Variants in STOX1 observed in about 807,000 individuals in gnomAD.
STOX1 encodes the protein storkhead box 1, also known as storkhead-box protein 1.
A neutral mutation model predicts 74.8 loss-of-function variants in STOX1; 57 were observed. The ratio of observed to expected loss-of-function variants is 0.76; its 90% CI spans 0.62 to 0.95. The LOEUF is 0.95. Ranked by LOEUF, STOX1 falls within the 40% of genes least tolerant of loss-of-function variation. STOX1 has a pLI of 0.00. For missense variants in STOX1, 1,010 were observed against 1,117.0 expected (o/e 0.90, Z 1.37); for synonymous variants, 375 against 401.3 (o/e 0.93, Z 0.78).
chr10:68,871,271 G>C (rs578104378), intron 1 of STOX1, among the ~76,000 whole-genome samples: 83 of 152,310 alleles, frequency 5.4e-4, no homozygotes, highest in Non-Finnish European at 1.1e-3. Flanking sequence ...AGGCTCAAAG[G>C]GCACCCCCGG....
rs796079154 is a variant in STOX1 at position 68,879,049 on chromosome 10, C to T, written c.311-2909C>T. Among the ~76,000 whole-genome samples, 4 of 152,126 alleles carry T rather than the reference C, an allele frequency of 2.6e-5. No homozygotes were observed. In the South Asian group the frequency reaches 6.2e-4, roughly 24 times the overall value. The stretch of plus-strand genomic sequence containing the variant: ...GGATCAGGGGCTCTGAATCAGAATC[C>T]ACGTTAGCAAGATCTACTGGTGATC... On this transcript the variant is annotated intron_variant, in intron 1 of 3. Coordinates refer to ENST00000298596, the MANE Select transcript of STOX1 (RefSeq NM_152709.5).
In STOX1 at chr10:68,885,045, G is replaced by A. The variant is rs755804216; in HGVS notation, c.1249G>A (p.Gly417Ser). The A allele has an allele frequency of 6.2e-7, 1 of 1,614,130 alleles. No homozygotes were observed. The highest frequency in any genetic ancestry group is 8.5e-7 in the Non-Finnish European group (1 of 1,180,018). The change falls in exon 3 of 4, where the codon GGT becomes AGT. Residue 417 changes from glycine (G) to serine (S), a missense_variant. Transcript: ENST00000298596. ...PSKEGVKKRQ[G>S]LSAKPQGQGH... is the part of the protein sequence containing the mutation. ...AAAAGAGGGGGTTAAGAAAAGGCAGGGTCTGTCTGCAAAACCTCAAGGGCA... is the reference window on the plus strand; with the variant it reads ...AAAAGAGGGGGTTAAGAAAAGGCAGAGTCTGTCTGCAAAACCTCAAGGGCA...
At chr10:68,880,301 G>GC (rs1427177437) in intron 1 of STOX1, among the ~76,000 whole-genome samples, 4 of 151,222 alleles carry the variant, frequency 2.6e-5, no homozygotes, top group Non-Finnish European at 5.9e-5. Context: ...TCGCACCTTA[G>GC]CCCCCTAGCA....
In STOX1 at chr10:68,884,615, G is replaced by T. The variant is rs1183905475; in HGVS notation, c.819G>T (p.Gly273=). The T allele has an allele frequency of 6.2e-7, 1 of 1,613,824 alleles. No homozygotes were observed. Among genetic ancestry groups the T allele is most frequent in the Non-Finnish European group, 8.5e-7 (1 of 1,180,042 alleles). The change falls in exon 3 of 4, where the codon GGG becomes GGT. Residue 273 remains glycine (G), a synonymous_variant. Transcript: ENST00000298596. ...EVTRKSHRGL[G]ESVSWVQNGA... ...CTAGGAAGAGTCACAGAGGTCTTGG[G>T]GAATCCGTATCTTGGGTACAGAATG... is the stretch of plus-strand genomic sequence containing the variant.
intron 1 of STOX1, among the ~76,000 whole-genome samples, chr10:68,878,745 G>A (rs896052684): frequency 1.8e-4 from 27 of 152,154 alleles, no homozygotes; most frequent in African/African-American, 6.3e-4. Flanking sequence ...TACCAGCTCT[G>A]GGCTTCAACC....
At chr10:68,845,418 C>T (rs1450833166) in intron 1 of STOX1, among the ~76,000 whole-genome samples, 6 of 151,086 alleles carry the variant, frequency 4.0e-5, no homozygotes, top group Non-Finnish European at 5.9e-5. Flanking sequence ...GGACTACAGG[C>T]GCCTGCCACC....
chr10:68,835,472 A>G (rs1839524489), intron 1 of STOX1, among the ~76,000 whole-genome samples: 2 of 152,114 alleles, frequency 1.3e-5, no homozygotes, highest in African/African-American at 4.8e-5. Flanking sequence ...ACAGGCACCC[A>G]TCACCACATC....
chr10:68,863,837 A>C (rs575046290), intron 1 of STOX1, among the ~76,000 whole-genome samples: 1 of 151,996 alleles, frequency 6.6e-6, no homozygotes, highest in Non-Finnish European at 1.5e-5. Context: ...CCTCAATTAC[A>C]GCTATAAGCT....
chr10:68,853,755 G>T (rs1248837051), intron 1 of STOX1, among the ~76,000 whole-genome samples: 3 of 150,828 alleles, frequency 2.0e-5, no homozygotes, highest in Non-Finnish European at 4.4e-5. Flanking sequence ...GCATGATCTC[G>T]GCTCACTGCA....
At chr10:68,853,867 T>C (rs1840052819) in intron 1 of STOX1, among the ~76,000 whole-genome samples, 1 of 151,884 alleles carries the variant, frequency 6.6e-6, no homozygotes, top group African/African-American at 2.4e-5. Flanking sequence ...GTATTTTTAG[T>C]AGAGCCAGGG....
intron 1 of STOX1, among the ~76,000 whole-genome samples, chr10:68,863,038 C>T (rs530503667): frequency 6.6e-6 from 1 of 152,146 alleles, no homozygotes; most frequent in Admixed American, 6.5e-5. Flanking sequence ...AGGGGGTAGG[C>T]AACTAGTGTC....
At chr10:68,847,552 G>A (rs1346755112) in intron 1 of STOX1, among the ~76,000 whole-genome samples, 1 of 151,924 alleles carries the variant, frequency 6.6e-6, no homozygotes, top group Non-Finnish European at 1.5e-5. Context: ...TGGGATCACA[G>A]GCGTGCACCA....
At chr10:68,876,225 T>C (rs1409849828) in intron 1 of STOX1, among the ~76,000 whole-genome samples, 3 of 151,824 alleles carry the variant, frequency 2.0e-5, no homozygotes, top group African/African-American at 7.3e-5. Context: ...TGGCGCGATC[T>C]CGGCTCACCG....
intron 1 of STOX1, among the ~76,000 whole-genome samples, chr10:68,861,522 T>A (rs1840268538): frequency 6.6e-6 from 1 of 152,130 alleles, no homozygotes; most frequent in African/African-American, 2.4e-5. Flanking sequence ...GAGATCTTGT[T>A]TATGACCAGT....
chr10:68,841,105 T>A (rs1589217071), intron 1 of STOX1, among the ~76,000 whole-genome samples: 1 of 152,024 alleles, frequency 6.6e-6, no homozygotes, highest in East Asian at 1.9e-4. Flanking sequence ...TACCACCAAG[T>A]CTGGCTCATT....
intron 1 of STOX1, among the ~76,000 whole-genome samples, chr10:68,845,375 G>A (rs1346405276): frequency 6.8e-6 from 1 of 148,112 alleles, no homozygotes; most frequent in East Asian, 2.0e-4. Context: ...CCAGGTTCAC[G>A]CCATTCTCCT....
At chr10:68,864,959 T>C (rs1274504053) in intron 1 of STOX1, among the ~76,000 whole-genome samples, 2 of 152,220 alleles carry the variant, frequency 1.3e-5, no homozygotes, top group Non-Finnish European at 2.9e-5. Context: ...TGTGGCACTA[T>C]TGTAGTGTCA....
At chr10:68,841,144 A>G (rs1342879116) in intron 1 of STOX1, among the ~76,000 whole-genome samples, 1 of 151,130 alleles carries the variant, frequency 6.6e-6, no homozygotes, top group Non-Finnish European at 1.5e-5. Context: ...ACGCGGTTTC[A>G]CCATGTTGGT....
At position 68,884,371 on chromosome 10, in the gene STOX1, A is replaced by C; in HGVS notation, c.575A>C (p.Tyr192Ser). The change falls in exon 3 of 4, where the codon TAC (tyrosine) becomes TCC (serine). Residue 192 changes from tyrosine to serine, a missense_variant. By Grantham distance (144) the Tyr-to-Ser change is moderately radical. Transcript: ENST00000298596. ...EGYFIVTPQT[Y>S]FITNTTTQEN... Reference sequence around the variant, plus strand: ...TACTTCATAGTTACTCCTCAGACTTACTTCATTACAAATACAACCACCCAG... The same window carrying C: ...TACTTCATAGTTACTCCTCAGACTTCCTTCATTACAAATACAACCACCCAG... The C allele has an allele frequency of 6.2e-7, 1 of 1,614,150 alleles. No homozygotes were observed. Among genetic ancestry groups the C allele is most frequent in the Non-Finnish European group, 8.5e-7 (1 of 1,180,024 alleles).
Sources: gnomAD v4.1 joint callset for allele counts (sites outside exome capture counted in the v4.1 genomes callset) on GRCh38, gnomAD v4.1.1 for gene constraint, MANE v1.5 for transcripts, NCBI Gene and HGNC (gene_info 2026-07-23, HGNC 2026-07-21) for gene names.